LITAF: variants seen among roughly 807,000 people sequenced by gnomAD.
LITAF encodes lipopolysaccharide induced TNF factor.
LITAF carries 9 observed loss-of-function variants against 14.5 expected under a neutral mutation model. That is an observed-to-expected ratio of 0.62 (90% CI 0.37 to 1.08). The LOEUF (loss-of-function observed/expected upper bound fraction) is 1.08. LITAF is among the 50% of genes least tolerant of loss of function. LITAF has a pLI of 0.01. For synonymous variants in LITAF, 98 were observed against 88.2 expected (o/e 1.11, Z -0.62); for missense variants, 206 against 213.4 (o/e 0.97, Z 0.22).
intron 1 of LITAF, among the ~76,000 whole-genome samples, chr16:11,580,269 T>C (rs1330534825): frequency 6.6e-6 from 1 of 152,100 alleles, no homozygotes; most frequent in African/African-American, 2.4e-5. Flanking sequence ...AAGTTTTTTT[T>C]TTTTTTGAGA....
chr16:11,623,933 C>G (rs2141897525), intron 3 of LITAF, among the ~76,000 whole-genome samples: 2 of 152,236 alleles, frequency 1.3e-5, no homozygotes, highest in East Asian at 3.9e-4. Context: ...TGCCATTGCA[C>G]TCCAGCCTGG....
At chr16:11,600,454 G>C (rs2064920000), upstream of LITAF, among the ~76,000 whole-genome samples, 3 of 152,218 alleles carry the variant, frequency 2.0e-5, no homozygotes, top group South Asian at 6.2e-4. This position sits in a 1 kb window ranked among gnomAD's most constrained non-coding sequence, Gnocchi z 4.1. Context: ...AGATGGGCCG[G>C]GTCCCCAGCG....
chr16:11,586,571 G>A lies in LITAF; in HGVS notation c.-6+315C>T, dbSNP rs1869858817. On this transcript the variant is annotated intron_variant, in intron 1 of 3. Coordinates refer to ENST00000622633, the MANE Select transcript of LITAF (RefSeq NM_001136472.2). This position sits in a 1 kb window ranked among gnomAD's most constrained non-coding sequence, Gnocchi z 6.5. ...TCCTCTCCGGGGAGGGGGACGCGGC[G>A]GGCCGCGAAGGGCGCTCGTTCGGGT... Among the ~76,000 whole-genome samples, 1 of 152,048 alleles carries A rather than the reference G, an allele frequency of 6.6e-6. No homozygotes were observed. Among genetic ancestry groups the A allele is most frequent in the African/African-American group, 2.4e-5 (1 of 41,434 alleles).
At position 11,619,316 on chromosome 16, in the gene LITAF, C is replaced by CA. The variant is rs920234532; in HGVS notation, c.85+14216dup. ...ACAAAGCAAGACTTCGTCTCAAAAA[C>CA]AAAAAACAAAAAAAAAAACCCCAGC... On this transcript the variant is annotated intron_variant, in intron 3 of 3. Coordinates refer to the LITAF transcript ENST00000574848. Among the ~76,000 whole-genome samples the CA allele has an allele frequency of 7.2e-4, 104 of 144,462 alleles. 1 individual carries two copies. The highest frequency in any genetic ancestry group is 2.5e-3 in the African/African-American group (97 of 39,134). 94.8% of individuals were successfully genotyped at this position (144,462 alleles called of 152,430 possible). A position where few individuals can be genotyped will look rare whatever the true frequency, so the allele number is the denominator to read the frequency against.
At chr16:11,637,460 T>A (rs2065142409), upstream of LITAF, among the ~76,000 whole-genome samples, 1 of 152,236 alleles carries the variant, frequency 6.6e-6, no homozygotes, top group Admixed American at 6.5e-5. Flanking sequence ...CAGCCAAGTC[T>A]GTTTCTGCTG....
chr16:11,550,442 T>C (rs755284745), intron 3 of LITAF, among the ~76,000 whole-genome samples: 2 of 152,158 alleles, frequency 1.3e-5, no homozygotes, highest in African/African-American at 2.4e-5. Context: ...TGAGAGTTAA[T>C]ATCTGTTGTT....
At chr16:11,615,085 G>A (rs1211821390) in intron 3 of LITAF, among the ~76,000 whole-genome samples, 1 of 152,206 alleles carries the variant, frequency 6.6e-6, no homozygotes, top group African/African-American at 2.4e-5. Context: ...AATGAACAAA[G>A]GAAGGAAGGA....
chr16:11,549,049 G>A lies in LITAF; in HGVS notation c.*588C>T, dbSNP rs2064144680. On this transcript the variant is annotated 3_prime_UTR_variant, in exon 4 of 4. Transcript: ENST00000622633. This position sits in a 1 kb window ranked among gnomAD's most constrained non-coding sequence, Gnocchi z 4.6. Reference sequence around the variant, plus strand: ...ACTGGGTGTTAATAGCCCCCTCCTTGTATTTAAAAAAAAAATTAAGAAATT... The same window carrying A: ...ACTGGGTGTTAATAGCCCCCTCCTTATATTTAAAAAAAAAATTAAGAAATT... 2.3e-6 allele frequency: 1 copy of A among 432,026 alleles called. No homozygotes were observed. The highest frequency in any genetic ancestry group is 2.5e-5 in the Admixed American group (1 of 40,698). 26.8% of individuals were successfully genotyped at this position (432,026 alleles called of 1,614,324 possible).
At chr16:11,601,426 T>C (rs1042861353), upstream of LITAF, among the ~76,000 whole-genome samples, 1 of 152,182 alleles carries the variant, frequency 6.6e-6, no homozygotes, top group Non-Finnish European at 1.5e-5. Context: ...TTCTTCTCTC[T>C]CTTGGCCACA....
rs956655502 is a variant in LITAF at position 11,632,569 on chromosome 16, C to G, written c.85+964G>C. On this transcript the variant is annotated intron_variant, in intron 3 of 3. Transcript: ENST00000574848. This position sits in a 1 kb window ranked among gnomAD's most constrained non-coding sequence, Gnocchi z 4.8. ...ATCACTGCCAGCCGGCCCCTGTGGGCTCTTTGGCCTGCGCTCCCTGGCACG... is the reference window on the plus strand; with the variant it reads ...ATCACTGCCAGCCGGCCCCTGTGGGGTCTTTGGCCTGCGCTCCCTGGCACG... 6.6e-6 allele frequency among the ~76,000 whole-genome samples: 1 copy of G among 152,244 alleles called. No homozygotes were observed. The highest frequency in any genetic ancestry group is 1.9e-4 in the East Asian group (1 of 5,200).
chr16:11,615,485 C>T (rs556439064), intron 3 of LITAF, among the ~76,000 whole-genome samples: 1 of 151,096 alleles, frequency 6.6e-6, no homozygotes, highest in South Asian at 2.1e-4. Flanking sequence ...TGCGGTGAGC[C>T]GAGATCACAC....
At chr16:11,612,958 G>A (rs1224038615) in intron 3 of LITAF, among the ~76,000 whole-genome samples, 3 of 152,300 alleles carry the variant, frequency 2.0e-5, no homozygotes, top group South Asian at 2.1e-4. Flanking sequence ...GGGCACAGCC[G>A]ATGGCCTGGG....
chr16:11,617,832 C>T (rs1424880315), intron 3 of LITAF, among the ~76,000 whole-genome samples: 4 of 151,938 alleles, frequency 2.6e-5, no homozygotes, highest in African/African-American at 9.7e-5. Context: ...AATTTCCTTC[C>T]CTCCGTAACC....
At chr16:11,577,314 C>CT (rs1378413966) in intron 1 of LITAF, among the ~76,000 whole-genome samples, 8 of 113,264 alleles carry the variant, frequency 7.1e-5, no homozygotes, top group African/African-American at 2.1e-4. Context: ...TTAGAAGTGT[C>CT]TATTTTTTTT....
upstream of LITAF, among the ~76,000 whole-genome samples, chr16:11,603,394 G>A (rs1380885015): frequency 6.6e-6 from 1 of 152,194 alleles, no homozygotes; most frequent in African/African-American, 2.4e-5. Flanking sequence ...TGCCCCAGGG[G>A]CTCTGCCTCC....
upstream of LITAF, chr16:11,636,519 T>C (rs1189686383): frequency 2.0e-5 from 3 of 152,460 alleles, no homozygotes; most frequent in Non-Finnish European, 2.9e-5. Flanking sequence ...GTGTACCTTT[T>C]GCATAGTGCA....
At chr16:11,617,080 C>T (rs1338951682) in intron 3 of LITAF, among the ~76,000 whole-genome samples, 1 of 151,804 alleles carries the variant, frequency 6.6e-6, no homozygotes, top group Non-Finnish European at 1.5e-5. Flanking sequence ...ATTTGCCAGG[C>T]GTGGTGGTGC....
chr16:11,631,295 A>G (rs2065116668), intron 3 of LITAF, among the ~76,000 whole-genome samples: 1 of 151,688 alleles, frequency 6.6e-6, no homozygotes, highest in African/African-American at 2.4e-5. Context: ...CATCAGGACC[A>G]CCTCCCCCTG....
At chr16:11,637,541 C>G (rs533451706), upstream of LITAF, among the ~76,000 whole-genome samples, 5 of 152,354 alleles carry the variant, frequency 3.3e-5, no homozygotes, top group African/African-American at 1.2e-4. Context: ...AAACAATCCA[C>G]CAAGGACTCA....
Sources: allele counts gnomAD v4.1 joint callset (sites outside exome capture counted in the v4.1 genomes callset), GRCh38; gene constraint gnomAD v4.1.1; non-coding constraint Gnocchi (gnomAD v3.1); transcripts MANE v1.5; gene names NCBI Gene and HGNC (gene_info 2026-07-23, HGNC 2026-07-21).